The following KCNH7 variants were observed in gnomAD, a reference collection of about 807,000 sequenced individuals.
KCNH7 encodes the protein potassium voltage-gated channel subfamily H member 7.
KCNH7 carries 49 observed loss-of-function variants against 120.8 expected under a neutral mutation model. The ratio of observed to expected loss-of-function variants is 0.41; its 90% CI spans 0.32 to 0.51. The LOEUF is 0.51. KCNH7 is among the 20% of genes least tolerant of loss of function. KCNH7 has a pLI of 0.38. For synonymous variants in KCNH7, 547 were observed against 516.1 expected (o/e 1.06, Z -0.81); for missense variants, 1,097 against 1,446.6 (o/e 0.76, Z 3.92).
At chr2:162,684,582 A>G (rs1029217690) in intron 2 of KCNH7, among the ~76,000 whole-genome samples, 2 of 152,204 alleles carry the variant, frequency 1.3e-5, no homozygotes, top group Admixed American at 6.5e-5. Flanking sequence ...TTATGTGGCC[A>G]ACAAACATGA....
intron 2 of KCNH7, among the ~76,000 whole-genome samples, chr2:162,763,752 T>A (rs1440256903): frequency 1.3e-5 from 2 of 151,366 alleles, no homozygotes; most frequent in Non-Finnish European, 1.5e-5. Flanking sequence ...TGTGTGTGTG[T>A]GTGTGTGTGT....
At chr2:162,491,447 C>A (rs1463691056) in intron 6 of KCNH7, among the ~76,000 whole-genome samples, 1 of 152,152 alleles carries the variant, frequency 6.6e-6, no homozygotes, top group Non-Finnish European at 1.5e-5. Flanking sequence ...TGAGGGGGAC[C>A]CAGCTCCACA....
intron 2 of KCNH7, among the ~76,000 whole-genome samples, chr2:162,743,779 C>T (rs562037926): frequency 2.2e-4 from 33 of 152,210 alleles, no homozygotes; most frequent in East Asian, 9.6e-4. Flanking sequence ...CTCTCGAACA[C>T]CAGTTCCTTG....
intron 2 of KCNH7, among the ~76,000 whole-genome samples, chr2:162,697,197 C>A (rs1399989025): frequency 6.6e-6 from 1 of 152,042 alleles, no homozygotes; most frequent in Admixed American, 6.6e-5. Flanking sequence ...TACACCACCA[C>A]CCATAATTTT....
intron 3 of KCNH7, among the ~76,000 whole-genome samples, chr2:162,529,163 A>T (rs541715230): frequency 6.6e-6 from 1 of 152,060 alleles, no homozygotes; most frequent in Admixed American, 6.6e-5. Context: ...TGAGCTGGAG[A>T]TACTGATTTT....
chr2:162,573,777 T>G (rs1417481967), intron 2 of KCNH7, among the ~76,000 whole-genome samples: 1 of 152,058 alleles, frequency 6.6e-6, no homozygotes, highest in Non-Finnish European at 1.5e-5. Flanking sequence ...TATACTTGAC[T>G]GCTTTACAAA....
chr2:162,781,942 G>A (rs1319410480), intron 2 of KCNH7, among the ~76,000 whole-genome samples: 1 of 152,092 alleles, frequency 6.6e-6, no homozygotes, highest in Non-Finnish European at 1.5e-5. Flanking sequence ...TCTCCTCACT[G>A]GTGAGATGAA....
intron 2 of KCNH7, among the ~76,000 whole-genome samples, chr2:162,652,468 A>C (rs908854878): frequency 6.6e-6 from 1 of 152,130 alleles, no homozygotes; most frequent in African/African-American, 2.4e-5. Flanking sequence ...TTTCAGGATG[A>C]AACTGTTCCA....
In KCNH7 at chr2:162,379,943, C is replaced by T; in HGVS notation, c.3041G>A (p.Arg1014Gln). ...PEDSSPSALQ[R>Q]AAWGISETES... ...GGTTTCAGAGATACCCCAGGCAGCT[C>T]GCTGAAGTGCAGATGGACTGGAGTC... The change falls in exon 14 of 16, where the codon CGA becomes CAA. Residue 1014 changes from arginine to glutamine, a missense_variant. By Grantham distance (43) the Arg-to-Gln change is conservative (BLOSUM62 1). This residue lies in a region of KCNH7 where 406 missense variants were observed against 410.5 expected (regional missense o/e 0.99). Transcript: ENST00000332142. 2 of 1,614,014 alleles carry T rather than the reference C, an allele frequency of 1.2e-6. No individual in the cohort carries two copies. Among genetic ancestry groups the T allele is most frequent in the Non-Finnish European group, 1.7e-6 (2 of 1,179,946 alleles).
Position 162,400,112 on chromosome 2 carries a change from T to G in KCNH7, c.2407+77A>C. ...TTCTTATGAATACATACATCAGTCT[T>G]TTTTTCCTAATCATTTTAAACTATG... is the stretch of plus-strand genomic sequence containing the variant. On this transcript the variant is annotated intron_variant, in intron 10 of 15. Coordinates refer to ENST00000332142, the MANE Select transcript of KCNH7 (RefSeq NM_033272.4). 2.0e-6 allele frequency: 3 copies of G among 1,489,400 alleles called. No individual in the cohort carries two copies. In the South Asian group the frequency reaches 3.8e-5, roughly 19 times the overall value. The allele number at this position is 1,489,400 out of a possible 1,614,324, so 92.3% of individuals were successfully genotyped here. A position where few individuals can be genotyped will look rare whatever the true frequency, so the allele number is the denominator to read the frequency against.
At chr2:162,447,194 CACCTCCA>C (rs1688609084) in intron 6 of KCNH7, among the ~76,000 whole-genome samples, 1 of 152,036 alleles carries the variant, frequency 6.6e-6, no homozygotes, top group Non-Finnish European at 1.5e-5. Context: ...AGTGGTACTT[CACCTCCA>C]AGATTTATTC....
rs189448837 is a variant in KCNH7, at chr2:162,722,317, G to C, written c.307+114220C>G. Among the ~76,000 whole-genome samples the C allele has an allele frequency of 9.9e-5, 15 of 152,112 alleles. No homozygotes were observed. In the East Asian group the frequency reaches 2.7e-3, roughly 27 times the overall value. ...AATGTAATGTGAAATGCATATTAAA[G>C]TAGATCAGAAAAGTACAAGATGAAA... On this transcript the variant is annotated intron_variant, in intron 2 of 15. Transcript: ENST00000332142.
chr2:162,609,878 C>T (rs1264221118), intron 2 of KCNH7, among the ~76,000 whole-genome samples: 1 of 152,120 alleles, frequency 6.6e-6, no homozygotes, highest in East Asian at 1.9e-4. Flanking sequence ...TGGGACAAAC[C>T]TGCCAGCAGA....
At chr2:162,504,336 A>C (rs919526172) in intron 6 of KCNH7, 107 bp downstream of exon 6, 85 of 805,972 alleles carry the variant, frequency 1.1e-4, no homozygotes, top group Non-Finnish European at 1.6e-5. Context: ...TACAAAGAAA[A>C]AATGTCTTAC....
intron 7 of KCNH7, among the ~76,000 whole-genome samples, chr2:162,444,025 G>A (rs1173797660): frequency 6.6e-6 from 1 of 152,094 alleles, no homozygotes; most frequent in African/African-American, 2.4e-5. Context: ...AACTCAAATG[G>A]CCTCTCCTTA....
At chr2:162,424,015 T>TA (rs1039002082) in intron 8 of KCNH7, among the ~76,000 whole-genome samples, 61 of 152,322 alleles carry the variant, frequency 4.0e-4, no homozygotes, top group Non-Finnish European at 5.7e-4. Context: ...CCTTGTAGAA[T>TA]AAAAATCTAT....
At chr2:162,443,698 C>G (rs1160216036) in intron 7 of KCNH7, among the ~76,000 whole-genome samples, 1 of 152,204 alleles carries the variant, frequency 6.6e-6, no homozygotes, top group Non-Finnish European at 1.5e-5. Context: ...GCCTGACTCT[C>G]CAGTCTGCAG....
intron 2 of KCNH7, among the ~76,000 whole-genome samples, chr2:162,834,865 A>G (rs972454443): frequency 6.6e-6 from 1 of 152,144 alleles, no homozygotes; most frequent in South Asian, 2.1e-4. Flanking sequence ...CTTAAATTCT[A>G]TGAGTTGGAA....
chr2:162,732,932 A>G (rs1687777305), intron 2 of KCNH7, among the ~76,000 whole-genome samples: 1 of 152,236 alleles, frequency 6.6e-6, no homozygotes, highest in African/African-American at 2.4e-5. Context: ...GTTTTAAAAT[A>G]CTTGAATTCA....
Sources: allele counts gnomAD v4.1 joint callset (sites outside exome capture counted in the v4.1 genomes callset), GRCh38; gene constraint gnomAD v4.1.1; regional missense constraint gnomAD v4.1.1; transcripts MANE v1.5; gene names NCBI Gene and HGNC (gene_info 2026-07-23, HGNC 2026-07-21).